The following MYO1H variants were observed in gnomAD, a reference collection of about 807,000 sequenced individuals.
MYO1H encodes unconventional myosin-Ih.
Under a neutral mutation model 149.3 loss-of-function variants are expected in MYO1H, and 118 were observed. That is an observed-to-expected ratio of 0.79 (90% confidence interval 0.68 to 0.92). The LOEUF is 0.92. MYO1H is among the 40% of genes least tolerant of loss of function. The pLI, the probability that MYO1H is intolerant of heterozygous loss-of-function variation, is 0.00. For missense variants in MYO1H, 1,212 were observed against 1,280.7 expected (o/e 0.95, Z 0.82); for synonymous variants, 447 against 465.2 (o/e 0.96, Z 0.50).
chr12:109,387,495 C>A (rs76057130), intron 1 of MYO1H, among the ~76,000 whole-genome samples: 8,926 of 152,298 alleles, frequency 0.059, 860 homozygotes, highest in African/African-American at 0.2. Flanking sequence ...GAGCAATAAC[C>A]AACTGCACGC....
At chr12:109,444,142 G>GT in intron 28 of MYO1H, 71 bp from the exon 29 acceptor site, 1 of 1,164,528 alleles carries the variant, frequency 8.6e-7, no homozygotes, top group Non-Finnish European at 1.3e-6. Context: ...GCCCCTGGGC[G>GT]TATCTCTTCT....
At chr12:109,417,563 G>A (rs756897238) in intron 15 of MYO1H, among the ~76,000 whole-genome samples, 18 of 151,898 alleles carry the variant, frequency 1.2e-4, no homozygotes, top group Non-Finnish European at 1.8e-4. Flanking sequence ...TACCGACCTC[G>A]TGATGCACCC....
At chr12:109,311,639 G>C in the MYO1H span, among the ~76,000 whole-genome samples, 1 of 152,186 alleles carries the variant, frequency 6.6e-6, no homozygotes, top group South Asian at 2.1e-4. Flanking sequence ...GCTAAAGGCG[G>C]CCAATACCCA....
At chr12:109,342,608 A>T in the MYO1H span, among the ~76,000 whole-genome samples, 307 of 148,906 alleles carry the variant, frequency 2.1e-3, 1 homozygote, top group African/African-American at 7.2e-3. Flanking sequence ...AGTGGTGTGA[A>T]CATGGCTCAC....
At chr12:109,389,181 A>G (rs912555017) in intron 2 of MYO1H, among the ~76,000 whole-genome samples, 4 of 152,206 alleles carry the variant, frequency 2.6e-5, no homozygotes, top group African/African-American at 9.6e-5. Flanking sequence ...TCTCAAGTGC[A>G]TGGCAGCAAG....
At chr12:109,359,107 G>A (rs537987712) in intron 1 of MYO1H, among the ~76,000 whole-genome samples, 1 of 152,216 alleles carries the variant, frequency 6.6e-6, no homozygotes, top group African/African-American at 2.4e-5. Flanking sequence ...GGAGGTGGCC[G>A]GGGAGCTGTC....
intron 31 of MYO1H, chr12:109,446,591 C>T (rs116869611): frequency 0.062 from 18,753 of 302,268 alleles, 739 homozygotes; most frequent in Middle Eastern, 0.088. Flanking sequence ...TGGTGAACTC[C>T]GTCTCTACTA....
intron 30 of MYO1H, 59 bp from the exon 31 acceptor site, chr12:109,445,454 C>G (rs1872439069): frequency 6.1e-6 from 8 of 1,300,844 alleles, no homozygotes; most frequent in Middle Eastern, 1.9e-4. Context: ...TTCTGTAGAC[C>G]AAAGGTTGAG....
intron 20 of MYO1H, among the ~76,000 whole-genome samples, chr12:109,434,479 C>CT (rs1871775170): frequency 6.6e-6 from 1 of 152,174 alleles, no homozygotes; most frequent in Non-Finnish European, 1.5e-5. Flanking sequence ...GGGCAACAAA[C>CT]TGAGACTCTG....
intron 1 of MYO1H, among the ~76,000 whole-genome samples, chr12:109,361,987 G>A (rs1868764618): frequency 6.6e-6 from 1 of 152,128 alleles, no homozygotes; most frequent in African/African-American, 2.4e-5. Context: ...ATTTGGACAG[G>A]GCAAAAATCA....
At chr12:109,397,790 T>C in exon 5 of MYO1H, 3 of 1,610,658 alleles carry the variant, frequency 1.9e-6, no homozygotes, top group Non-Finnish European at 1.7e-6. Context: ...GGGAAATACA[T>C]GGATATACAA....
chr12:109,398,059 T>A (rs1037092814), intron 5 of MYO1H, among the ~76,000 whole-genome samples: 9 of 152,226 alleles, frequency 5.9e-5, no homozygotes, highest in African/African-American at 1.7e-4. Context: ...ATATGGATCA[T>A]AAGGAATTCT....
At chr12:109,431,628 G>A (rs963984927) in intron 19 of MYO1H, among the ~76,000 whole-genome samples, 1 of 152,188 alleles carries the variant, frequency 6.6e-6, no homozygotes, top group African/African-American at 2.4e-5. Context: ...AGTGGCTCCG[G>A]TTGTGCTGCT....
In MYO1H at chr12:109,426,055, A is replaced by C. The variant is rs1404908307; in HGVS notation, c.1831+4A>C. ...CCCAACGACAGGAAAGAACCCAGTG[A>C]GTTGTGGATCATTATGAACTGGGCT... On this transcript the variant is annotated splice_donor_region_variant and intron_variant, in intron 18 of 31. Transcript: ENST00000310903. 6.2e-7 allele frequency: 1 copy of C among 1,606,808 alleles called. No homozygotes were observed. The highest frequency in any genetic ancestry group is 2.2e-5 in the East Asian group (1 of 44,836).
intron 16 of MYO1H, among the ~76,000 whole-genome samples, chr12:109,422,050 GCCT>G (rs1871196938): frequency 1.3e-5 from 2 of 152,040 alleles, no homozygotes; most frequent in African/African-American, 4.8e-5. Context: ...CGAACTCCTG[GCCT>G]CAAGTGATCC....
the MYO1H span, among the ~76,000 whole-genome samples, chr12:109,327,739 C>CAAAAAAAAA: frequency 2.3e-5 from 2 of 85,630 alleles, no homozygotes; most frequent in African/African-American, 4.5e-5. Flanking sequence ...AAAACTGTCT[C>CAAAAAAAAA]AAAAAAAAAA....
chr12:109,384,857 C>A (rs1300189978), intron 1 of MYO1H, among the ~76,000 whole-genome samples: 1 of 152,196 alleles, frequency 6.6e-6, no homozygotes, highest in African/African-American at 2.4e-5. Flanking sequence ...AACCTGACTG[C>A]AGTAATATTT....
chr12:109,377,267 T>G (rs1197170798), intron 1 of MYO1H, among the ~76,000 whole-genome samples: 1 of 152,176 alleles, frequency 6.6e-6, no homozygotes, highest in Non-Finnish European at 1.5e-5. Context: ...TTCTGATGGC[T>G]GGAAAGTTCA....
the MYO1H span, among the ~76,000 whole-genome samples, chr12:109,320,895 C>G: frequency 1.3e-5 from 2 of 151,980 alleles, no homozygotes; most frequent in South Asian, 4.2e-4. Context: ...CAAGACTGTC[C>G]TGGCCAACGT....
Sources: gnomAD v4.1 joint callset for allele counts (sites outside exome capture counted in the v4.1 genomes callset) on GRCh38, gnomAD v4.1.1 for gene constraint, MANE v1.5 for transcripts, NCBI Gene and HGNC (gene_info 2026-07-23, HGNC 2026-07-21) for gene names.